The following ERCC6L2 variants were observed in gnomAD, a reference collection of about 807,000 sequenced individuals.
ERCC6L2 encodes the protein ERCC excision repair 6 like 2, also known as DNA excision repair protein ERCC-6-like 2.
A neutral mutation model predicts 132.0 loss-of-function variants in ERCC6L2; 77 were observed. The observed-to-expected ratio is 0.58, with a 90% CI of 0.49 to 0.71. The LOEUF (loss-of-function observed/expected upper bound fraction) is 0.71. Among genes scored for constraint, ERCC6L2 ranks in the 30% least tolerant of loss-of-function variants. ERCC6L2 has a pLI of 0.00. For missense variants in ERCC6L2, 1,542 were observed against 1,837.6 expected, an observed-to-expected ratio of 0.84 and a Z score of 2.94; for synonymous variants, 583 against 632.4, an observed-to-expected ratio of 0.92 and a Z score of 1.17.
At chr9:96,005,918 T>C (rs959587633) in intron 18 of ERCC6L2, among the ~76,000 whole-genome samples, 4 of 152,162 alleles carry the variant, frequency 2.6e-5, no homozygotes, top group African/African-American at 9.7e-5. Context: ...AATTTGGTGA[T>C]GGACTGGTTC....
intron 17 of ERCC6L2, among the ~76,000 whole-genome samples, chr9:95,995,714 A>G (rs1295623104): frequency 1.3e-5 from 2 of 152,088 alleles, no homozygotes; most frequent in African/African-American, 4.8e-5. Flanking sequence ...AATTCTCACA[A>G]TATTTTGAAG....
chr9:95,997,633 T>C (rs527305711), intron 17 of ERCC6L2, among the ~76,000 whole-genome samples: 60 of 152,340 alleles, frequency 3.9e-4, no homozygotes, highest in Non-Finnish European at 8.2e-4. Context: ...AAATTTGTGG[T>C]GGTGGTCCAG....
intron 4 of ERCC6L2, among the ~76,000 whole-genome samples, chr9:95,910,527 T>C (rs1829293961): frequency 6.6e-6 from 1 of 152,214 alleles, no homozygotes; most frequent in African/African-American, 2.4e-5. Context: ...TGCTGTCTTA[T>C]GCTGAGTCTT....
intron 9 of ERCC6L2, among the ~76,000 whole-genome samples, chr9:95,927,104 G>A (rs956525650): frequency 6.6e-6 from 1 of 151,910 alleles, no homozygotes; most frequent in African/African-American, 2.4e-5. Flanking sequence ...TGAAAGTAAT[G>A]TTTACCCGAT....
At chr9:96,032,352 G>A (rs979312007) in intron 19 of ERCC6L2, among the ~76,000 whole-genome samples, 7 of 152,212 alleles carry the variant, frequency 4.6e-5, no homozygotes, top group Non-Finnish European at 1.0e-4. Context: ...ACCACCCTCA[G>A]CGCCTTCCTC....
intron 2 of ERCC6L2, among the ~76,000 whole-genome samples, chr9:95,892,384 A>G (rs1828216780): frequency 1.3e-5 from 2 of 149,688 alleles, no homozygotes; most frequent in South Asian, 2.1e-4. Flanking sequence ...TCTGTAGGAT[A>G]GATTCCTAAA....
At chr9:96,004,799 T>G in intron 18 of ERCC6L2, 98 bp downstream of exon 18, 2 of 776,500 alleles carry the variant, frequency 2.6e-6, no homozygotes, top group South Asian at 3.4e-5. Context: ...TAACCATAAC[T>G]GACATCTGAA....
rs1359624386 is a variant in ERCC6L2, at chr9:95,972,993, A to C, written c.3242A>C (p.Lys1081Thr). Residue 1081 changes from lysine (K) to threonine (T), a missense_variant, in exon 16 of 19, where the codon AAA becomes ACA. Physicochemically the swap from Lys to Thr is moderately conservative, Grantham distance 78 (BLOSUM62 -1). Coordinates refer to ENST00000653738, the MANE Select transcript of ERCC6L2 (RefSeq NM_020207.7). ...FSSKLPSHNK[K>T]NSTFIPRKPM... ...TCAAAATTGCCTAGCCATAATAAGA[A>C]AAATAGCACTTTTATTCCAAGAAAA... The C allele has an allele frequency of 1.5e-6, 2 of 1,354,230 alleles. No individual in the cohort carries two copies. Among genetic ancestry groups the C allele is most frequent in the Middle Eastern group, 2.1e-4 (1 of 4,768 alleles). 83.9% of individuals were successfully genotyped at this position (1,354,230 alleles called of 1,614,324 possible).
At chr9:95,995,096 G>A (rs1205150514) in intron 17 of ERCC6L2, among the ~76,000 whole-genome samples, 1 of 152,186 alleles carries the variant, frequency 6.6e-6, no homozygotes, top group Non-Finnish European at 1.5e-5. Flanking sequence ...TCATGTGCCT[G>A]TGAGGTAGGG....
At chr9:95,927,973 G>T (rs1234690939) in intron 9 of ERCC6L2, 106 bp from the exon 10 acceptor site, 1 of 762,488 alleles carries the variant, frequency 1.3e-6, no homozygotes, top group Non-Finnish European at 2.3e-6. Context: ...AATGAGGTTA[G>T]TATTGTATGA....
At position 95,922,411 on chromosome 9, in the gene ERCC6L2, A is replaced by G. The variant is rs200888020; in HGVS notation, c.1406A>G (p.Lys469Arg). ...VALLQAASTSKQQETLIKRIC... is the reference protein window; with the variant it reads ...VALLQAASTSRQQETLIKRIC... ...CTACTGCAAGCTGCTAGTACTTCCA[A>G]ACAACAGGTTTGGTTAGCATTTTAC... Residue 469 changes from lysine (K) to arginine (R), a missense_variant, in exon 8 of 19, where the codon AAA becomes AGA. Coordinates refer to ENST00000653738, the MANE Select transcript of ERCC6L2 (RefSeq NM_020207.7). The G allele has an allele frequency of 6.3e-6, 10 of 1,596,800 alleles. No individual in the cohort carries two copies. The highest frequency in any genetic ancestry group is 8.6e-6 in the Non-Finnish European group (10 of 1,164,964).
At chr9:96,028,291 T>C (rs1292519670) in intron 19 of ERCC6L2, among the ~76,000 whole-genome samples, 2 of 152,216 alleles carry the variant, frequency 1.3e-5, no homozygotes, top group Non-Finnish European at 2.9e-5. Flanking sequence ...GCTGTGTTTC[T>C]TGGAGCACGA....
downstream of ERCC6L2, chr9:96,020,513 C>T (rs937720057): frequency 3.0e-6 from 1 of 331,414 alleles, no homozygotes; most frequent in Non-Finnish European, 5.9e-6. Context: ...GCGCCGCTCA[C>T]CTCCTAAAAT....
At chr9:95,996,971 G>A (rs1833492172) in intron 17 of ERCC6L2, among the ~76,000 whole-genome samples, 1 of 152,190 alleles carries the variant, frequency 6.6e-6, no homozygotes, top group African/African-American at 2.4e-5. Flanking sequence ...AGTGGCACAT[G>A]CCTGTAGTTC....
At chr9:95,989,791 G>A (rs181155501) in intron 17 of ERCC6L2, among the ~76,000 whole-genome samples, 1 of 152,190 alleles carries the variant, frequency 6.6e-6, no homozygotes, top group Admixed American at 6.5e-5. Flanking sequence ...TTAAATCAAG[G>A]TGCATACCAT....
At chr9:95,930,388 GT>G (rs1226670306) in intron 11 of ERCC6L2, among the ~76,000 whole-genome samples, 1 of 152,018 alleles carries the variant, frequency 6.6e-6, no homozygotes, top group Non-Finnish European at 1.5e-5. Context: ...CTTCAGCTGT[GT>G]TTTGCAAAAG....
rs762259995 is a variant in ERCC6L2, at chr9:95,928,689, T to C, written c.1606-30T>C. The C allele has an allele frequency of 1.9e-6, 3 of 1,572,470 alleles. No individual in the cohort carries two copies. In the South Asian group the frequency reaches 3.6e-5, roughly 19 times the overall value. On this transcript the variant is annotated intron_variant, in intron 10 of 18. Transcript: ENST00000653738. ...CTGAAACTTACTTAACCAAGATTCA[T>C]GTTTGCCCATCTTCATACCTCTCGT...
chr9:95,876,994 T>C (rs1827306923), intron 1 of ERCC6L2: 2 of 152,218 alleles, frequency 1.3e-5, no homozygotes, highest in East Asian at 1.9e-4. Context: ...TTTAGGGAAA[T>C]TGGTGGAAGG....
exon 20 of ERCC6L2, chr9:96,038,958 C>G (rs1293373391): frequency 4.4e-6 from 2 of 456,118 alleles, no homozygotes; most frequent in Non-Finnish European, 8.8e-6. Flanking sequence ...TATGGAGAGC[C>G]CACATGGGAA....
Sources: allele counts gnomAD v4.1 joint callset (sites outside exome capture counted in the v4.1 genomes callset), GRCh38; gene constraint gnomAD v4.1.1; transcripts MANE v1.5; gene names NCBI Gene and HGNC (gene_info 2026-07-23, HGNC 2026-07-21).